Variants in MAP3K7CL observed in about 807,000 individuals in gnomAD.
The protein encoded by MAP3K7CL is MAP3K7 C-terminal-like protein.
Under a neutral mutation model 18.6 loss-of-function variants are expected in MAP3K7CL, and 16 were observed. That is an observed-to-expected ratio of 0.86 (90% CI 0.58 to 1.31). MAP3K7CL has a LOEUF of 1.31. MAP3K7CL is among the 50% of genes most tolerant of loss of function. The pLI is 0.00. For missense variants in MAP3K7CL, 163 were observed against 174.4 expected, an observed-to-expected ratio of 0.93 and a Z score of 0.37; for synonymous variants, 65 against 66.8, an observed-to-expected ratio of 0.97 and a Z score of 0.13.
At chr21:29,150,720 A>G (rs2087249417) in intron 3 of MAP3K7CL, among the ~76,000 whole-genome samples, 3 of 148,192 alleles carry the variant, frequency 2.0e-5, no homozygotes, top group African/African-American at 7.5e-5. Flanking sequence ...ACCCCCACCA[A>G]TATGTCTTCT....
intron 2 of MAP3K7CL, among the ~76,000 whole-genome samples, chr21:29,143,477 C>A (rs1442119250): frequency 6.6e-6 from 1 of 151,420 alleles, no homozygotes; most frequent in East Asian, 1.9e-4. Context: ...GGCTGGAGTA[C>A]AGTTGCGCAA....
At chr21:29,170,625 CT>C in intron 4 of MAP3K7CL, among the ~76,000 whole-genome samples, 1 of 151,580 alleles carries the variant, frequency 6.6e-6, no homozygotes, top group Admixed American at 6.6e-5. Flanking sequence ...AAGCATGTCT[CT>C]CTCTCTTTCT....
chr21:29,080,218 C>T (rs184119710), intron 1 of MAP3K7CL, among the ~76,000 whole-genome samples: 36 of 152,324 alleles, frequency 2.4e-4, no homozygotes, highest in African/African-American at 8.2e-4. Flanking sequence ...TAGACTGGCA[C>T]ACATGGGGTC....
At chr21:29,079,563 CCCA>C (rs1159891168) in intron 1 of MAP3K7CL, among the ~76,000 whole-genome samples, 2 of 152,168 alleles carry the variant, frequency 1.3e-5, no homozygotes, top group African/African-American at 4.8e-5. Flanking sequence ...ACAAAAAGCC[CCCA>C]GGTTCTGCTA....
chr21:29,134,018 T>C (rs2086831439), intron 2 of MAP3K7CL, among the ~76,000 whole-genome samples: 2 of 152,196 alleles, frequency 1.3e-5, no homozygotes, highest in Non-Finnish European at 1.5e-5. Flanking sequence ...GCACCACTTT[T>C]GAACAAAAGA....
intron 2 of MAP3K7CL, among the ~76,000 whole-genome samples, chr21:29,135,308 A>G (rs751922508): frequency 6.6e-6 from 1 of 152,214 alleles, no homozygotes; most frequent in South Asian, 2.1e-4. Context: ...AGTGCTTTTC[A>G]TGGCATCTTG....
At chr21:29,144,998 A>G (rs2087095087) in intron 2 of MAP3K7CL, among the ~76,000 whole-genome samples, 1 of 152,236 alleles carries the variant, frequency 6.6e-6, no homozygotes, top group Non-Finnish European at 1.5e-5. Flanking sequence ...ACAGGCAGTG[A>G]ACATCTGTTT....
chr21:29,077,884 AT>A (rs1445075949), intron 1 of MAP3K7CL, among the ~76,000 whole-genome samples: 1 of 152,174 alleles, frequency 6.6e-6, no homozygotes, highest in Non-Finnish European at 1.5e-5. Context: ...GCCTGAAAAC[AT>A]GGCCTCCAGC....
At chr21:29,100,084 A>T (rs1270412639) in intron 4 of MAP3K7CL, among the ~76,000 whole-genome samples, 3 of 38,088 alleles carry the variant, frequency 7.9e-5, no homozygotes, top group Admixed American at 5.5e-4. Context: ...CTCCGTCTTT[A>T]AAAAAAAAAA....
At chr21:29,091,375 A>G (rs2086024909) in intron 1 of MAP3K7CL, 2 of 536,614 alleles carry the variant, frequency 3.7e-6, no homozygotes. Context: ...TAGCCAGTTG[A>G]TTTTTAAGTC....
rs17741387 is a variant in MAP3K7CL at position 29,169,932 on chromosome 21, G to A, written c.249-4780G>A. Among the ~76,000 whole-genome samples, 1,299 of 152,266 alleles carry A rather than the reference G, an allele frequency of 8.5e-3. 7 individuals are homozygous for A. Among genetic ancestry groups the A allele is most frequent in the Admixed American group, 0.014 (207 of 15,294 alleles). On this transcript the variant is annotated intron_variant, in intron 4 of 4. Transcript: ENST00000399928. Reference sequence around the variant, plus strand: ...GCTATTGAATGGCGTCATGTGGAAAGCTATGTTACAGATTCATGACTGCAG... The same window carrying A: ...GCTATTGAATGGCGTCATGTGGAAAACTATGTTACAGATTCATGACTGCAG...
chr21:29,150,672 T>TGA (rs1431087027), intron 3 of MAP3K7CL, among the ~76,000 whole-genome samples: 1 of 152,036 alleles, frequency 6.6e-6, no homozygotes, highest in Non-Finnish European at 1.5e-5. Flanking sequence ...TCTCCTGGCT[T>TGA]CTAATTTTTA....
intron 4 of MAP3K7CL, among the ~76,000 whole-genome samples, chr21:29,098,394 A>C (rs1207948202): frequency 6.6e-6 from 1 of 151,714 alleles, no homozygotes. Context: ...TAGTCTCCTG[A>C]CTCACCCCTC....
intron 2 of MAP3K7CL, among the ~76,000 whole-genome samples, chr21:29,143,444 C>T (rs544446949): frequency 3.3e-5 from 5 of 150,200 alleles, no homozygotes; most frequent in African/African-American, 7.4e-5. Context: ...TTTTTTGAGG[C>T]GGAGTTTCAC....
chr21:29,081,385 T>C (rs1221380917), upstream of MAP3K7CL, among the ~76,000 whole-genome samples: 1 of 151,856 alleles, frequency 6.6e-6, no homozygotes, highest in Non-Finnish European at 1.5e-5. Context: ...CTGTCTCTAC[T>C]AAAAAAAATA....
upstream of MAP3K7CL, among the ~76,000 whole-genome samples, chr21:29,082,400 A>G (rs1321980071): frequency 6.6e-6 from 1 of 152,100 alleles, no homozygotes. Context: ...GGTTTGGCTG[A>G]TCTGACCAAG....
intron 3 of MAP3K7CL, among the ~76,000 whole-genome samples, chr21:29,156,678 C>T (rs562925447): frequency 1.7e-4 from 26 of 152,318 alleles, no homozygotes; most frequent in Admixed American, 5.9e-4. Context: ...AGAGTTATTC[C>T]ATCCTACATG....
intron 2 of MAP3K7CL, among the ~76,000 whole-genome samples, chr21:29,145,402 T>C (rs1251514430): frequency 1.3e-5 from 2 of 152,240 alleles, no homozygotes; most frequent in African/African-American, 4.8e-5. Flanking sequence ...CCGGTATCAC[T>C]GTCAAAATGT....
intron 2 of MAP3K7CL, among the ~76,000 whole-genome samples, chr21:29,135,560 A>AAAAGAGCC (rs1403552248): frequency 2.6e-5 from 4 of 152,218 alleles, no homozygotes; most frequent in Non-Finnish European, 2.9e-5. Context: ...TTATGTACAG[A>AAAAGAGCC]AAAGAGCCAT....
Sources: gnomAD v4.1 joint callset for allele counts (sites outside exome capture counted in the v4.1 genomes callset) on GRCh38, gnomAD v4.1.1 for gene constraint, MANE v1.5 for transcripts, NCBI Gene and HGNC (gene_info 2026-07-23, HGNC 2026-07-21) for gene names.